The following HAPLN2 variants were observed in gnomAD, a reference collection of about 807,000 sequenced individuals.
HAPLN2 encodes the protein hyaluronan and proteoglycan link protein 2.
HAPLN2 carries 27 observed loss-of-function variants against 29.3 expected under a neutral mutation model. That is an observed-to-expected ratio of 0.92 (90% CI 0.68 to 1.27). HAPLN2 has a LOEUF of 1.27. HAPLN2 is among the 50% of genes most tolerant of loss of function. The pLI is 0.00. For synonymous variants in HAPLN2, 208 were observed against 211.7 expected, an observed-to-expected ratio of 0.98 and a Z score of 0.15; for missense variants, 454 against 484.3, an observed-to-expected ratio of 0.94 and a Z score of 0.59.
intron 2 of HAPLN2, 123 bp from the exon 3 acceptor site, chr1:156,623,344 G>A: frequency 2.7e-6 from 2 of 739,714 alleles, no homozygotes; most frequent in Non-Finnish European, 4.3e-6. Flanking sequence ...CCTTTTCTCT[G>A]CCCCAGTGGC....
intron 1 of HAPLN2, 182 bp from the exon 2 acceptor site, chr1:156,619,836 T>A (rs1465102239): frequency 6.6e-6 from 1 of 152,396 alleles, no homozygotes; most frequent in Non-Finnish European, 1.5e-5. Context: ...AACCCCAGCA[T>A]CTTCCCCTGG....
At chr1:156,604,885 A>T in the HAPLN2 span, among the ~76,000 whole-genome samples, 2 of 151,648 alleles carry the variant, frequency 1.3e-5, no homozygotes, top group Non-Finnish European at 2.9e-5. Context: ...TGATCTATAA[A>T]TTCAACACAA....
chr1:156,620,376 A>G (rs1678178180), intron 2 of HAPLN2, among the ~76,000 whole-genome samples: 1 of 152,194 alleles, frequency 6.6e-6, no homozygotes, highest in Non-Finnish European at 1.5e-5. Context: ...GTACAGTAGG[A>G]TTTATAATTG....
In HAPLN2 at chr1:156,625,398, C is replaced by T. The variant is rs780355955; in HGVS notation, c.*14C>T. On this transcript the variant is annotated 3_prime_UTR_variant, in exon 7 of 7. Transcript: ENST00000255039. This position sits in a 1 kb window ranked among gnomAD's most constrained non-coding sequence, Gnocchi z 5.7. ...GCCGAGAATTAGGCGCCCACCGTGTCCCCTCCAGCGCGCGCGAAGAAGCTT... is the reference window on the plus strand; with the variant it reads ...GCCGAGAATTAGGCGCCCACCGTGTTCCCTCCAGCGCGCGCGAAGAAGCTT... The T allele has an allele frequency of 9.6e-6, 15 of 1,568,804 alleles. No individual in the cohort carries two copies. The Middle Eastern group carries it at 5.1e-4, about 53-fold the overall frequency.
chr1:156,624,074 T>G lies in HAPLN2; in HGVS notation c.353T>G (p.Val118Gly). ...GACGCCTCCCTGGTCATCGCGGGCGTGCGCCTGGAGGACGAGGGCCGGTAC... is the reference window on the plus strand; with the variant it reads ...GACGCCTCCCTGGTCATCGCGGGCGGGCGCCTGGAGGACGAGGGCCGGTAC... Reference protein sequence around the residue: ...RLDASLVIAGVRLEDEGRYRC... With the variant: ...RLDASLVIAGGRLEDEGRYRC... Residue 118 changes from valine (V) to glycine (G), a missense_variant, in exon 4 of 7, where the codon GTG becomes GGG. Coordinates refer to ENST00000255039, the MANE Select transcript of HAPLN2 (RefSeq NM_021817.3). 1 of 1,613,544 alleles carries G rather than the reference T, an allele frequency of 6.2e-7. No individual in the cohort carries two copies.
At position 156,625,460 on chromosome 1, in the gene HAPLN2, G is replaced by A. The variant is rs1041723149; in HGVS notation, c.*76G>A. Reference sequence around the variant, plus strand: ...CGGGGGTCTCTCGCCACCCCTTTCCGGAGAGCCTCCCCTCCCTCCAGACCC... The same window carrying A: ...CGGGGGTCTCTCGCCACCCCTTTCCAGAGAGCCTCCCCTCCCTCCAGACCC... On this transcript the variant is annotated 3_prime_UTR_variant, in exon 7 of 7. Transcript: ENST00000255039. The surrounding 1 kb of genome is among the most constrained non-coding windows in gnomAD (Gnocchi z 5.7). 199 of 1,410,178 alleles carry A rather than the reference G, an allele frequency of 1.4e-4. No individual in the cohort carries two copies. The African/African-American group carries it at 2.7e-3, about 19-fold the overall frequency. 87.4% of individuals were successfully genotyped at this position (1,410,178 alleles called of 1,614,324 possible). A position where few individuals can be genotyped will look rare whatever the true frequency, so the allele number is the denominator to read the frequency against.
At chr1:156,606,462 G>T in the HAPLN2 span, among the ~76,000 whole-genome samples, 1 of 146,006 alleles carries the variant, frequency 6.8e-6, no homozygotes, top group African/African-American at 2.5e-5. Context: ...AGAATCCTGT[G>T]AAGTCAATTT....
the HAPLN2 span, among the ~76,000 whole-genome samples, chr1:156,607,081 A>G: frequency 2.6e-5 from 4 of 152,304 alleles, no homozygotes; most frequent in Middle Eastern, 3.4e-3. Context: ...CCCTATACCT[A>G]TCACAATGGT....
At chr1:156,618,071 C>T (rs1229358027), upstream of HAPLN2, among the ~76,000 whole-genome samples, 4 of 151,588 alleles carry the variant, frequency 2.6e-5, no homozygotes, top group Non-Finnish European at 5.9e-5. Flanking sequence ...CTGAGGTGGG[C>T]GGATTGCTTG....
chr1:156,613,701 A>T, the HAPLN2 span, among the ~76,000 whole-genome samples: 1 of 152,042 alleles, frequency 6.6e-6, no homozygotes, highest in African/African-American at 2.4e-5. Context: ...AGATCACTTG[A>T]GGTCAGAAGT....
chr1:156,604,140 A>G, the HAPLN2 span, among the ~76,000 whole-genome samples: 1 of 152,210 alleles, frequency 6.6e-6, no homozygotes, highest in African/African-American at 2.4e-5. Context: ...TGCAGATAAC[A>G]AGATGCATAG....
At chr1:156,622,968 G>T (rs2102529579) in intron 2 of HAPLN2, among the ~76,000 whole-genome samples, 1 of 150,170 alleles carries the variant, frequency 6.7e-6, no homozygotes, top group African/African-American at 2.4e-5. Context: ...TGGAAGTTAG[G>T]GGCTGCAGTG....
In HAPLN2 at chr1:156,623,938, G is replaced by A. The variant is rs760460635; in HGVS notation, c.217G>A (p.Val73Met). The change falls in exon 4 of 7, where the codon GTG becomes ATG. Residue 73 changes from valine to methionine, a missense_variant. Val to Met is a conservative substitution (Grantham distance 21). This residue lies in a region of HAPLN2 where 204 missense variants were observed against 209.2 expected (regional missense o/e 0.98). Coordinates refer to ENST00000255039, the MANE Select transcript of HAPLN2 (RefSeq NM_021817.3). ...PPSYKVRWSK[V>M]EPGELRETLI... ...CAGCTACAAGGTGCGCTGGAGCAAG[G>A]TGGAGCCTGGGGAGCTCCGGGAAAC... The A allele has an allele frequency of 1.9e-6, 3 of 1,608,018 alleles. No homozygotes were observed. Among genetic ancestry groups the A allele is most frequent in the South Asian group, 1.1e-5 (1 of 89,988 alleles).
chr1:156,604,333 G>A, the HAPLN2 span, among the ~76,000 whole-genome samples: 2 of 145,042 alleles, frequency 1.4e-5, no homozygotes, highest in African/African-American at 2.6e-5. Context: ...AGTCTCTATC[G>A]CCAGGCTGGA....
At chr1:156,619,387 G>C (rs542664615), upstream of HAPLN2, 1 of 152,334 alleles carries the variant, frequency 6.6e-6, no homozygotes, top group Non-Finnish European at 1.5e-5. Context: ...CGATGGGGTG[G>C]GGACTGAGAA....
chr1:156,609,660 G>A, the HAPLN2 span, among the ~76,000 whole-genome samples: 2 of 151,978 alleles, frequency 1.3e-5, no homozygotes, highest in East Asian at 1.9e-4. Flanking sequence ...TAGTTGTTGC[G>A]ACCTTTAGCA....
At chr1:156,618,778 C>CAAAAAA (rs67222173), upstream of HAPLN2, among the ~76,000 whole-genome samples, 3 of 41,654 alleles carry the variant, frequency 7.2e-5, no homozygotes, top group Non-Finnish European at 1.1e-4. Flanking sequence ...GACTCCGTCT[C>CAAAAAA]AAAAAAAAAA....
At chr1:156,617,502 C>A (rs1678088526), upstream of HAPLN2, among the ~76,000 whole-genome samples, 1 of 151,962 alleles carries the variant, frequency 6.6e-6, no homozygotes, top group South Asian at 2.1e-4. Context: ...GCGCACACCA[C>A]CATGCCTGGC....
the HAPLN2 span, among the ~76,000 whole-genome samples, chr1:156,603,581 C>T: frequency 3.3e-5 from 5 of 151,838 alleles, no homozygotes; most frequent in African/African-American, 4.8e-5. Flanking sequence ...TTTAAAATTC[C>T]GAATGAGGTA....
Sources: allele counts gnomAD v4.1 joint callset (sites outside exome capture counted in the v4.1 genomes callset), GRCh38; gene constraint gnomAD v4.1.1; regional missense constraint gnomAD v4.1.1; non-coding constraint Gnocchi (gnomAD v3.1); transcripts MANE v1.5; gene names NCBI Gene and HGNC (gene_info 2026-07-23, HGNC 2026-07-21).